IARS2: variants seen among roughly 807,000 people sequenced by gnomAD.
IARS2 encodes the protein isoleucyl-tRNA synthetase 2, mitochondrial.
Under a neutral mutation model 126.3 loss-of-function variants are expected in IARS2, and 56 were observed. The ratio of observed to expected loss-of-function variants is 0.44; its 90% CI spans 0.36 to 0.55. The LOEUF (loss-of-function observed/expected upper bound fraction) is 0.55. Ranked by LOEUF, IARS2 falls within the 20% of genes least tolerant of loss-of-function variation. The pLI is 0.00. For synonymous variants in IARS2, 407 were observed against 441.1 expected (o/e 0.92, Z 0.97); for missense variants, 1,127 against 1,245.9 (o/e 0.90, Z 1.44).
At chr1:220,104,072 C>T (rs963201705) in intron 8 of IARS2, among the ~76,000 whole-genome samples, 3 of 152,250 alleles carry the variant, frequency 2.0e-5, no homozygotes, top group African/African-American at 7.2e-5. Context: ...CTCCCGGGCT[C>T]AAGCAATCCT....
chr1:220,096,592 T>G (rs1656449152), intron 2 of IARS2, among the ~76,000 whole-genome samples: 1 of 152,214 alleles, frequency 6.6e-6, no homozygotes, highest in African/African-American at 2.4e-5. Flanking sequence ...TTTAAAATGC[T>G]TAGTAGAATT....
chr1:220,112,082 T>TTTGGTTAA (rs1415928235), intron 11 of IARS2, among the ~76,000 whole-genome samples: 1 of 152,036 alleles, frequency 6.6e-6, no homozygotes, highest in Non-Finnish European at 1.5e-5. Context: ...ATAATCAACT[T>TTTGGTTAA]TTGGTTAATT....
intron 1 of IARS2, 126 bp downstream of exon 1, chr1:220,094,609 G>A: frequency 1.3e-6 from 1 of 750,994 alleles, no homozygotes; most frequent in Non-Finnish European, 2.1e-6. Context: ...TGACCAGATT[G>A]GTGGAATTCG....
At chr1:220,110,024 C>CT (rs1173749306) in intron 10 of IARS2, among the ~76,000 whole-genome samples, 1 of 152,134 alleles carries the variant, frequency 6.6e-6, no homozygotes, top group East Asian at 1.9e-4. Context: ...CAGAGCACGC[C>CT]TTTGATACCT....
intron 18 of IARS2, 123 bp from the exon 19 acceptor site, chr1:220,140,060 A>G: frequency 4.5e-6 from 3 of 669,994 alleles, no homozygotes; most frequent in Middle Eastern, 2.6e-4. Flanking sequence ...GTTCTTGCAT[A>G]TTGCCTGTTT....
chr1:220,126,497 A>C (rs1657159455), intron 13 of IARS2, among the ~76,000 whole-genome samples: 1 of 152,176 alleles, frequency 6.6e-6, no homozygotes, highest in African/African-American at 2.4e-5. Flanking sequence ...TCCAAATTTA[A>C]AGTTAATTTC....
chr1:220,097,466 C>T (rs867133855), intron 2 of IARS2, among the ~76,000 whole-genome samples: 3 of 150,588 alleles, frequency 2.0e-5, no homozygotes, highest in African/African-American at 2.5e-5. Context: ...CGGGTTCAAG[C>T]GATTCTCCTG....
intron 15 of IARS2, among the ~76,000 whole-genome samples, chr1:220,135,268 G>A (rs1657348474): frequency 6.6e-6 from 1 of 152,106 alleles, no homozygotes; most frequent in African/African-American, 2.4e-5. Context: ...TTTTTCAAAC[G>A]TGTGGGTGAA....
Position 220,102,235 on chromosome 1 carries a change from T to G in IARS2, c.657T>G (p.Tyr219Ter). Residue 219 changes from tyrosine (Y) to a stop codon, truncating the protein, a stop_gained, in exon 4 of 23, where the codon TAT becomes TAG. Transcript: ENST00000366922. LOFTEE classifies it high-confidence loss of function. The part of the protein sequence containing the change: ...NNCYYTFDGK[Y>*]EAKQLRTFYQ... The stretch of plus-strand genomic sequence containing the variant: ...GCTACTATACATTTGATGGGAAGTA[T>G]GAAGCCAAACAGTTGAGAACTTTTT... 6.2e-7 allele frequency: 1 copy of G among 1,611,470 alleles called. No individual in the cohort carries two copies. The highest frequency in any genetic ancestry group is 8.5e-7 in the Non-Finnish European group (1 of 1,179,434).
chr1:220,101,700 C>T (rs531063723), intron 3 of IARS2, among the ~76,000 whole-genome samples: 1 of 144,786 alleles, frequency 6.9e-6, no homozygotes, highest in East Asian at 2.0e-4. Context: ...GACTCCATCT[C>T]AAAAAAAAAA....
chr1:220,104,123 G>A (rs1159658468), intron 8 of IARS2, among the ~76,000 whole-genome samples: 1 of 152,204 alleles, frequency 6.6e-6, no homozygotes, highest in Non-Finnish European at 1.5e-5. Context: ...ATAGGCACAT[G>A]CCACTGCACC....
chr1:220,131,987 C>CG (rs1178110287), intron 14 of IARS2, among the ~76,000 whole-genome samples: 1 of 150,574 alleles, frequency 6.6e-6, no homozygotes, highest in Non-Finnish European at 1.5e-5. Context: ...TTAGTAGAGA[C>CG]GGGTTTCACC....
chr1:220,130,662 A>G (rs1236384900), intron 14 of IARS2, among the ~76,000 whole-genome samples: 1 of 152,104 alleles, frequency 6.6e-6, no homozygotes, highest in Non-Finnish European at 1.5e-5. Context: ...GGTTCACGCC[A>G]TTCTCCTGCC....
In IARS2 at chr1:220,105,974, A is replaced by G. The variant is rs528155025; in HGVS notation, c.1150A>G (p.Met384Val). ...SPLLPANHVT[M>V]AKGTGLVHTA... ...TCTTTTACCTGCAAATCATGTGACC[A>G]TGGCAAAAGGAACGGGATTGGTTCA... is the stretch of plus-strand genomic sequence containing the variant. Residue 384 changes from methionine to valine, a missense_variant, in exon 9 of 23, where the codon ATG (methionine) becomes GTG (valine). Coordinates refer to ENST00000366922, the MANE Select transcript of IARS2 (RefSeq NM_018060.4). 1.2e-6 allele frequency: 2 copies of G among 1,614,128 alleles called. No homozygotes were observed. The highest frequency in any genetic ancestry group is 1.1e-5 in the South Asian group (1 of 91,086).
At chr1:220,121,347 TC>T (rs1435321909) in intron 12 of IARS2, among the ~76,000 whole-genome samples, 1 of 152,168 alleles carries the variant, frequency 6.6e-6, no homozygotes, top group Non-Finnish European at 1.5e-5. Flanking sequence ...AAATTACATT[TC>T]TTATATTAAA....
intron 2 of IARS2, 63 bp downstream of exon 2, chr1:220,096,289 G>T: frequency 9.9e-7 from 1 of 1,012,680 alleles, no homozygotes; most frequent in Non-Finnish European, 1.4e-6. Context: ...CTTTATAAAT[G>T]TGTATTCTAA....
At chr1:220,103,989 TA>T (rs900510246) in intron 8 of IARS2, among the ~76,000 whole-genome samples, 2 of 152,222 alleles carry the variant, frequency 1.3e-5, no homozygotes, top group African/African-American at 4.8e-5. Flanking sequence ...TTTTATTTTT[TA>T]AAGAGACAGG....
At chr1:220,110,469 G>A (rs186634229) in intron 10 of IARS2, among the ~76,000 whole-genome samples, 396 of 152,254 alleles carry the variant, frequency 2.6e-3, no homozygotes, top group African/African-American at 9.0e-3. Flanking sequence ...AGGTTCAAGC[G>A]ATTCTCCTGC....
intron 11 of IARS2, among the ~76,000 whole-genome samples, chr1:220,111,931 G>T (rs946429851): frequency 3.3e-5 from 5 of 151,404 alleles, no homozygotes; most frequent in Non-Finnish European, 7.4e-5. Context: ...CCGATTTTTG[G>T]TTGTAGAACA....
Sources: gnomAD v4.1 joint callset for allele counts (sites outside exome capture counted in the v4.1 genomes callset) on GRCh38, gnomAD v4.1.1 for gene constraint, MANE v1.5 for transcripts, NCBI Gene and HGNC (gene_info 2026-07-23, HGNC 2026-07-21) for gene names.